TRIM9: variants seen among roughly 807,000 people sequenced by gnomAD.
TRIM9 encodes the protein tripartite motif containing 9, also known as E3 ubiquitin-protein ligase TRIM9.
Under a neutral mutation model 78.3 loss-of-function variants are expected in TRIM9, and 26 were observed. That is an observed-to-expected ratio of 0.33 (90% CI 0.24 to 0.46). The LOEUF (loss-of-function observed/expected upper bound fraction) is 0.46, where lower values mean the gene tolerates loss of function less well. Ranked by LOEUF, TRIM9 falls within the 20% of genes least tolerant of loss-of-function variation. TRIM9 has a pLI of 1.00. For synonymous variants in TRIM9, 398 were observed against 416.5 expected (o/e 0.96, Z 0.54); for missense variants, 787 against 1,036.4 (o/e 0.76, Z 3.30).
intron 7 of TRIM9, chr14:50,997,492 G>A: frequency 1.9e-5 from 19 of 985,766 alleles, no homozygotes; most frequent in South Asian, 4.7e-5. Context: ...TCCGCTTTGG[G>A]TATGAAACGG....
rs34748194 is a variant in TRIM9 at position 51,005,555 on chromosome 14, CCAAA to C, written c.1306+3521_1306+3524del. Among the ~76,000 whole-genome samples, 1,157 of 152,212 alleles carry C rather than the reference CCAAA, an allele frequency of 7.6e-3. 19 individuals are homozygous for C. The highest frequency in any genetic ancestry group is 0.026 in the African/African-American group (1,098 of 41,526). ...GTAGGTATCTGAAATCTATTCTCAA[CCAAA>C]CAGTAAAGCCCTTGGCTGACTAGGA... On this transcript the variant is annotated intron_variant, in intron 5 of 12. Transcript: ENST00000684578.
rs181943803 is a variant in TRIM9, at chr14:51,071,660, A to C, written c.822+22458T>G. On this transcript the variant is annotated intron_variant, in intron 1 of 12. Coordinates refer to ENST00000684578, the MANE Select transcript of TRIM9 (RefSeq NM_001387360.1). ...TCTACTAAAAATAAAAAAAAAATTAACCAGGCGTGGTGGTGTTTGCCTGTA... is the reference window on the plus strand; with the variant it reads ...TCTACTAAAAATAAAAAAAAAATTACCCAGGCGTGGTGGTGTTTGCCTGTA... 6.7e-4 allele frequency among the ~76,000 whole-genome samples: 102 copies of C among 151,142 alleles called. 1 individual carries two copies. In the East Asian group the frequency reaches 0.019, roughly 29 times the overall value.
intron 12 of TRIM9, among the ~76,000 whole-genome samples, chr14:50,978,331 C>A (rs1302709232): frequency 6.6e-6 from 1 of 152,116 alleles, no homozygotes; most frequent in Non-Finnish European, 1.5e-5. Context: ...AATGAGATGC[C>A]CAGCTCAGGA....
intron 11 of TRIM9, among the ~76,000 whole-genome samples, chr14:50,980,052 T>C (rs2051647577): frequency 6.6e-6 from 1 of 152,232 alleles, no homozygotes; most frequent in African/African-American, 2.4e-5. Flanking sequence ...AGAAGCACTT[T>C]TGTTGCACCT....
intron 8 of TRIM9, 119 bp from the exon 9 acceptor site, chr14:50,983,540 A>C: frequency 1.7e-6 from 1 of 592,696 alleles, no homozygotes; most frequent in East Asian, 3.3e-5. Context: ...TCCATGAAAA[A>C]ACAAAGCCCT....
At chr14:51,076,003 T>C (rs2062750724) in intron 1 of TRIM9, among the ~76,000 whole-genome samples, 1 of 152,216 alleles carries the variant, frequency 6.6e-6, no homozygotes, top group South Asian at 2.1e-4. Context: ...ACAAGAGTAC[T>C]GGAGCACCAA....
chr14:51,017,616 C>T (rs948582117), intron 3 of TRIM9, among the ~76,000 whole-genome samples: 1 of 152,198 alleles, frequency 6.6e-6, no homozygotes, highest in South Asian at 2.1e-4. Flanking sequence ...AGGTGGGTTG[C>T]AATAAGAGTG....
chr14:51,018,451 A>G (rs927865366), intron 3 of TRIM9, among the ~76,000 whole-genome samples: 5 of 152,192 alleles, frequency 3.3e-5, no homozygotes, highest in Non-Finnish European at 5.9e-5. Flanking sequence ...TGCAGTAAGC[A>G]GTTCATATGC....
chr14:51,037,808 C>T (rs893933012), intron 1 of TRIM9, among the ~76,000 whole-genome samples: 1 of 151,958 alleles, frequency 6.6e-6, no homozygotes, highest in Non-Finnish European at 1.5e-5. Flanking sequence ...ATACAACCAG[C>T]GGCGTTACCA....
In TRIM9 at chr14:50,979,498, T is replaced by A. The variant is rs2275462; in HGVS notation, c.2214A>T (p.Leu738Phe). The A allele has an allele frequency of 1.9e-6, 3 of 1,613,834 alleles. No individual in the cohort carries two copies. Among genetic ancestry groups the A allele is most frequent in the Non-Finnish European group, 2.5e-6 (3 of 1,179,966 alleles). The change falls in exon 12 of 13, where the codon TTA becomes TTT. Residue 738 changes from leucine (L) to phenylalanine (F), a missense_variant. Leu to Phe is a conservative substitution (Grantham distance 22). Around this residue, in one of 3 missense-constraint regions of TRIM9, gnomAD observed 421 missense variants for 514.3 expected, o/e 0.82. Transcript: ENST00000684578. ...TAAAAAATGTCAAGTTTTTTCTATTTAAGTCGAGGAGGACCCCAATTGTGG... is the reference window on the plus strand; with the variant it reads ...TAAAAAATGTCAAGTTTTTTCTATTAAAGTCGAGGAGGACCCCAATTGTGG... ...KGATIGVLLD[L>F]NRKNLTFFIN...
rs1179355494 is a variant in TRIM9, at chr14:50,975,720, T to C, written c.*1571A>G. The C allele has an allele frequency of 6.5e-6, 1 of 152,686 alleles. No individual in the cohort carries two copies. Among genetic ancestry groups the C allele is most frequent in the Non-Finnish European group, 1.5e-5 (1 of 68,050 alleles). The allele number at this position is 152,686 out of a possible 1,614,324, so 9.5% of individuals were successfully genotyped here. On this transcript the variant is annotated 3_prime_UTR_variant, in exon 13 of 13. Transcript: ENST00000684578. ...TCTCTTCCCTTCTATTTGTTATTCT[T>C]GTTTTTTCATGGTGAATTTCTTGGC...
At chr14:51,042,982 G>C (rs1168672530) in intron 1 of TRIM9, among the ~76,000 whole-genome samples, 1 of 152,112 alleles carries the variant, frequency 6.6e-6, no homozygotes, top group African/African-American at 2.4e-5. Context: ...GGCATAAAAT[G>C]TTATCCAAGC....
intron 1 of TRIM9, 70 bp downstream of exon 1, chr14:51,094,048 G>A (rs558975445): frequency 5.4e-5 from 81 of 1,489,898 alleles, no homozygotes; most frequent in Non-Finnish European, 7.1e-5. Context: ...GCAAGAGACG[G>A]GGACCGTCTG....
chr14:51,094,793 G>A lies in TRIM9; in HGVS notation c.147C>T (p.Ser49=). ...VQTPESESPQ[S]HRAAGSGVSD... ...AGACCCCGGAGCCCGCGGCCCGATGGCTCTGGGGGGATTCAGACTCTGGGG... is the reference window on the plus strand; with the variant it reads ...AGACCCCGGAGCCCGCGGCCCGATGACTCTGGGGGGATTCAGACTCTGGGG... Residue 49 remains serine (S), a synonymous_variant, in exon 1 of 13, where the codon AGC becomes AGT. Transcript: ENST00000684578. The A allele has an allele frequency of 6.5e-7, 1 of 1,535,370 alleles. No homozygotes were observed. Among genetic ancestry groups the A allele is most frequent in the East Asian group, 2.3e-5 (1 of 44,300 alleles).
At chr14:51,023,632 C>A (rs3900632) in intron 2 of TRIM9, among the ~76,000 whole-genome samples, 6,727 of 152,202 alleles carry the variant, frequency 0.044, 202 homozygotes, top group East Asian at 0.15. Flanking sequence ...CTGGATATAA[C>A]CTTTTTATTT....
chr14:51,080,777 C>T (rs2063231693), intron 1 of TRIM9, among the ~76,000 whole-genome samples: 1 of 152,158 alleles, frequency 6.6e-6, no homozygotes, highest in Non-Finnish European at 1.5e-5. Flanking sequence ...TGATATTATA[C>T]TGAGGTAGAC....
intron 3 of TRIM9, among the ~76,000 whole-genome samples, chr14:51,010,768 C>T (rs953526000): frequency 5.9e-5 from 9 of 152,126 alleles, no homozygotes; most frequent in Non-Finnish European, 8.8e-5. Flanking sequence ...GGTGCATCAA[C>T]GAACACCTTC....
intron 7 of TRIM9, among the ~76,000 whole-genome samples, chr14:50,987,318 G>C (rs187344782): frequency 6.6e-6 from 1 of 152,220 alleles, no homozygotes. Flanking sequence ...TGGAGCACGT[G>C]TGTGTGCAGA....
intron 5 of TRIM9, among the ~76,000 whole-genome samples, chr14:51,001,298 C>T (rs879555365): frequency 8.7e-5 from 13 of 149,084 alleles, no homozygotes; most frequent in South Asian, 2.1e-4. Flanking sequence ...GGCACAATCT[C>T]GGCTCACTGC....
Sources: gnomAD v4.1 joint callset for allele counts (sites outside exome capture counted in the v4.1 genomes callset) on GRCh38, gnomAD v4.1.1 for gene constraint, gnomAD v4.1.1 regional missense constraint, MANE v1.5 for transcripts, NCBI Gene and HGNC (gene_info 2026-07-23, HGNC 2026-07-21) for gene names.